HTR3B: variants seen among roughly 807,000 people sequenced by gnomAD.
HTR3B encodes 5-hydroxytryptamine (serotonin) receptor 3B, ionotropic.
HTR3B carries 44 observed loss-of-function variants against 42.8 expected under a neutral mutation model. The ratio of observed to expected loss-of-function variants is 1.03; its 90% CI spans 0.81 to 1.32. The LOEUF (loss-of-function observed/expected upper bound fraction) is 1.32. HTR3B is among the 40% of genes most tolerant of loss of function. HTR3B has a pLI of 0.00. For synonymous variants in HTR3B, 203 were observed against 209.0 expected (o/e 0.97, Z 0.25); for missense variants, 527 against 536.5 (o/e 0.98, Z 0.17).
intron 6 of HTR3B, among the ~76,000 whole-genome samples, chr11:113,934,548 G>A (rs1176742): frequency 0.03 from 4,544 of 152,262 alleles, 213 homozygotes; most frequent in African/African-American, 0.1. Context: ...CAGCTTTCCA[G>A]CAAAGCTCTT....
At chr11:113,920,122 G>A (rs998955423) in intron 2 of HTR3B, among the ~76,000 whole-genome samples, 3 of 151,872 alleles carry the variant, frequency 2.0e-5, no homozygotes, top group African/African-American at 7.2e-5. Flanking sequence ...TCCGCCTCCC[G>A]GGTTCAAGCG....
At chr11:113,938,573 T>C (rs1950109466) in intron 6 of HTR3B, among the ~76,000 whole-genome samples, 1 of 152,176 alleles carries the variant, frequency 6.6e-6, no homozygotes, top group African/African-American at 2.4e-5. Context: ...GTATTTAGGA[T>C]AGTACCAGAC....
chr11:113,910,202 T>A (rs1035071732), intron 2 of HTR3B, among the ~76,000 whole-genome samples: 4 of 152,116 alleles, frequency 2.6e-5, no homozygotes, highest in African/African-American at 9.7e-5. Flanking sequence ...GGGGCTTTTA[T>A]ACCTAAAGCG....
At chr11:113,919,542 G>T (rs1362708150) in intron 2 of HTR3B, among the ~76,000 whole-genome samples, 1 of 152,062 alleles carries the variant, frequency 6.6e-6, no homozygotes, top group Non-Finnish European at 1.5e-5. Flanking sequence ...AGAGTACAAG[G>T]TTTAGGCAGG....
intron 2 of HTR3B, among the ~76,000 whole-genome samples, chr11:113,930,025 C>T (rs891412089): frequency 7.9e-5 from 12 of 152,274 alleles, no homozygotes; most frequent in African/African-American, 1.7e-4. Flanking sequence ...TGCGAGCCAC[C>T]GCACCCGGCC....
At chr11:113,904,079 T>A (rs966006822), upstream of HTR3B, among the ~76,000 whole-genome samples, 1 of 152,236 alleles carries the variant, frequency 6.6e-6, no homozygotes, top group Non-Finnish European at 1.5e-5. Context: ...TATTTGTTTT[T>A]TCTTTCTAGA....
At chr11:113,914,464 C>CA (rs1447461255) in intron 2 of HTR3B, among the ~76,000 whole-genome samples, 5,981 of 137,842 alleles carry the variant, frequency 0.043, 308 homozygotes, top group African/African-American at 0.13. Context: ...TACTCCAACT[C>CA]AAAAAAAAAA....
chr11:113,902,417 C>T (rs912232253), upstream of HTR3B, among the ~76,000 whole-genome samples: 2 of 152,096 alleles, frequency 1.3e-5, no homozygotes, highest in African/African-American at 4.8e-5. Flanking sequence ...ATGCCTCAGC[C>T]TCCTGAGTAG....
chr11:113,914,022 C>A (rs1273285112), intron 2 of HTR3B, among the ~76,000 whole-genome samples: 1 of 151,738 alleles, frequency 6.6e-6, no homozygotes, highest in African/African-American at 2.4e-5. Context: ...ACTTTCCAGA[C>A]CCCAGAGCTG....
At chr11:113,905,546 T>C (rs1251875734) in intron 1 of HTR3B, among the ~76,000 whole-genome samples, 3 of 152,152 alleles carry the variant, frequency 2.0e-5, no homozygotes, top group Non-Finnish European at 4.4e-5. Flanking sequence ...AAGTTTTGAG[T>C]CTACAATTCC....
intron 2 of HTR3B, among the ~76,000 whole-genome samples, chr11:113,928,823 C>A (rs538898630): frequency 6.6e-6 from 1 of 152,320 alleles, no homozygotes; most frequent in South Asian, 2.1e-4. Flanking sequence ...AGGCGTGAGC[C>A]ACCGCGCCCA....
At chr11:113,940,164 G>A (rs1950123135) in intron 6 of HTR3B, among the ~76,000 whole-genome samples, 1 of 152,164 alleles carries the variant, frequency 6.6e-6, no homozygotes, top group East Asian at 1.9e-4. Context: ...TAGGATTACA[G>A]GCCTGAGCCA....
chr11:113,915,551 G>T (rs1332202487), intron 2 of HTR3B, among the ~76,000 whole-genome samples: 2 of 152,100 alleles, frequency 1.3e-5, no homozygotes, highest in African/African-American at 4.8e-5. Context: ...GTATTTTATT[G>T]TACAGATGCA....
intron 2 of HTR3B, among the ~76,000 whole-genome samples, chr11:113,929,085 T>G (rs1341151645): frequency 6.6e-6 from 1 of 152,190 alleles, no homozygotes; most frequent in African/African-American, 2.4e-5. Context: ...TTTAAGAAAG[T>G]GCCATACTGT....
chr11:113,908,754 A>G lies in HTR3B; in HGVS notation c.53-541A>G, dbSNP rs1298488608. On this transcript the variant is annotated intron_variant, in intron 1 of 8. Transcript: ENST00000260191. The stretch of plus-strand genomic sequence containing the variant: ...TTATTTAAGGACAGATGAAATGAGA[A>G]AAGAGATTTTTGAGGAGAAAAGTAC... 2.0e-5 allele frequency among the ~76,000 whole-genome samples: 3 copies of G among 152,342 alleles called. No individual in the cohort carries two copies. The South Asian group carries it at 6.2e-4, about 32-fold the overall frequency.
At chr11:113,926,546 TCAGA>T (rs1321344205) in intron 2 of HTR3B, among the ~76,000 whole-genome samples, 1 of 148,358 alleles carries the variant, frequency 6.7e-6, no homozygotes. Context: ...TTTTTCTTTT[TCAGA>T]CAGAGTCTCA....
At position 113,911,184 on chromosome 11, in the gene HTR3B, T is replaced by C. The variant is rs561534819; in HGVS notation, c.213+1729T>C. Among the ~76,000 whole-genome samples the C allele has an allele frequency of 9.5e-4, 144 of 152,144 alleles. 1 individual carries two copies. Among genetic ancestry groups the C allele is most frequent in the Admixed American group, 1.6e-3 (25 of 15,270 alleles). On this transcript the variant is annotated intron_variant, in intron 2 of 8. Transcript: ENST00000260191. ...TATGTGGAAATACACAGATATTAAG[T>C]GTACAAGCTGATGAATGTTGCTAAT...
chr11:113,900,430 A>T (rs888151716), upstream of HTR3B, among the ~76,000 whole-genome samples: 1 of 152,168 alleles, frequency 6.6e-6, no homozygotes, highest in African/African-American at 2.4e-5. Flanking sequence ...CTCTGGGTGG[A>T]TGTATTAGTC....
intron 2 of HTR3B, among the ~76,000 whole-genome samples, chr11:113,911,853 T>C (rs575088033): frequency 1.3e-5 from 2 of 152,260 alleles, no homozygotes; most frequent in East Asian, 3.9e-4. Flanking sequence ...TCTATCAAGA[T>C]ATCAAAGATC....
Sources: gnomAD v4.1 joint callset for allele counts (sites outside exome capture counted in the v4.1 genomes callset) on GRCh38, gnomAD v4.1.1 for gene constraint, MANE v1.5 for transcripts, NCBI Gene and HGNC (gene_info 2026-07-23, HGNC 2026-07-21) for gene names.